PES1: variants seen among roughly 807,000 people sequenced by gnomAD.
PES1 encodes the protein pescadillo homolog.
Under a neutral mutation model 77.1 loss-of-function variants are expected in PES1, and 31 were observed. The observed-to-expected ratio is 0.40, with a 90% confidence interval of 0.30 to 0.54. PES1 has a LOEUF of 0.54. Among genes scored for constraint, PES1 ranks in the 20% least tolerant of loss-of-function variants. The pLI is 0.45. For synonymous variants in PES1, 282 were observed against 303.0 expected, an observed-to-expected ratio of 0.93 and a Z score of 0.72; for missense variants, 658 against 771.7, an observed-to-expected ratio of 0.85 and a Z score of 1.75.
rs1385201670 is a variant in PES1 at position 30,579,470 on chromosome 22, C to CCAT, written c.1355-170_1355-168dup. 2.7e-4 allele frequency: 306 copies of CCAT among 1,137,294 alleles called. No individual in the cohort carries two copies. The East Asian group carries it at 5.6e-3, about 21-fold the overall frequency. The allele number at this position is 1,137,294 out of a possible 1,614,324, so 70.5% of individuals were successfully genotyped here. ...CTTGCACCTCCCCACAGCCCAGCTG[C>CCAT]CATCAGAGGAAATTCCAAGACCCCC... On this transcript the variant is annotated intron_variant, in intron 12 of 14. Coordinates refer to ENST00000354694, the MANE Select transcript of PES1 (RefSeq NM_014303.4).
chr22:30,589,272 T>C lies in PES1; in HGVS notation c.25-2A>G. 1 of 1,612,490 alleles carries C rather than the reference T, an allele frequency of 6.2e-7. No individual in the cohort carries two copies. The highest frequency in any genetic ancestry group is 1.1e-5 in the South Asian group (1 of 90,786). On this transcript the variant is annotated splice_acceptor_variant, in intron 1 of 14. Transcript: ENST00000354694. LOFTEE classifies it high-confidence loss of function. ...GTTGGTGGCCGAGCCTCGTTCATACTGGGAGAGGAAAAAAACAATTCTCCA... is the reference window on the plus strand; with the variant it reads ...GTTGGTGGCCGAGCCTCGTTCATACCGGGAGAGGAAAAAAACAATTCTCCA...
At chr22:30,585,136 A>T in intron 4 of PES1, 2 of 407,476 alleles carry the variant, frequency 4.9e-6, no homozygotes, top group South Asian at 1.9e-5. Context: ...TGGAGCAGGG[A>T]GCGGGGTGGG....
At chr22:30,585,991 A>T (rs1341733427) in intron 4 of PES1, among the ~76,000 whole-genome samples, 1 of 151,908 alleles carries the variant, frequency 6.6e-6, no homozygotes, top group Non-Finnish European at 1.5e-5. Flanking sequence ...TAGTTTCCTC[A>T]CTCTCCACCT....
intron 2 of PES1, chr22:30,605,432 C>CT (rs2087424382): frequency 1.0e-6 from 1 of 984,906 alleles, no homozygotes; most frequent in South Asian, 4.7e-5. Context: ...TCAGAAGTGA[C>CT]TCTCTGGAAG....
chr22:30,598,077 G>T (rs1461930933), intron 2 of PES1, among the ~76,000 whole-genome samples: 1 of 151,912 alleles, frequency 6.6e-6, no homozygotes, highest in African/African-American at 2.4e-5. Context: ...TAGAGACGGG[G>T]TTTCACCGTT....
rs1281912008 is a variant in PES1 at position 30,584,349 on chromosome 22, C to T, written c.630+16G>A. On this transcript the variant is annotated intron_variant, in intron 6 of 14. Coordinates refer to ENST00000354694, the MANE Select transcript of PES1 (RefSeq NM_014303.4). ...GAGGCAGCACAAGCCCGTCCCCTCCCGACAGGCACACTCACGTCATGGGAG... is the reference window on the plus strand; with the variant it reads ...GAGGCAGCACAAGCCCGTCCCCTCCTGACAGGCACACTCACGTCATGGGAG... 4.4e-6 allele frequency: 7 copies of T among 1,587,758 alleles called. No individual in the cohort carries two copies. Among genetic ancestry groups the T allele is most frequent in the East Asian group, 2.3e-5 (1 of 44,024 alleles).
intron 2 of PES1, among the ~76,000 whole-genome samples, chr22:30,597,943 G>A (rs957319541): frequency 6.7e-6 from 1 of 148,500 alleles, no homozygotes; most frequent in Admixed American, 6.7e-5. Context: ...GAGTGCAGTG[G>A]CGGCATCTCG....
chr22:30,576,636 C>T lies in PES1; in HGVS notation c.*410G>A, dbSNP rs1281138112. Reference sequence around the variant, plus strand: ...TCATGGACACAAAATGCAATTGGCACAAAAGTCCAGTCATTTAATAACAAA... The same window carrying T: ...TCATGGACACAAAATGCAATTGGCATAAAAGTCCAGTCATTTAATAACAAA... On this transcript the variant is annotated 3_prime_UTR_variant, in exon 15 of 15. Coordinates refer to ENST00000354694, the MANE Select transcript of PES1 (RefSeq NM_014303.4). 1.5e-5 allele frequency: 3 copies of T among 201,580 alleles called. No individual in the cohort carries two copies. Among genetic ancestry groups the T allele is most frequent in the Admixed American group, 5.4e-5 (1 of 18,528 alleles). The allele number at this position is 201,580 out of a possible 1,614,324, so 12.5% of individuals were successfully genotyped here.
At position 30,587,415 on chromosome 22, in the gene PES1, C is replaced by A. The variant is rs777018663; in HGVS notation, c.259-20G>T. The A allele has an allele frequency of 9.6e-6, 15 of 1,566,418 alleles. No individual in the cohort carries two copies. Among genetic ancestry groups the A allele is most frequent in the Non-Finnish European group, 1.2e-5 (14 of 1,137,438 alleles). ...GAACACCTGGAAGAAAGAAAGAAAA[C>A]ACCTCAATGCTGAGGCTCAGGTCTC... On this transcript the variant is annotated intron_variant, in intron 3 of 14. Transcript: ENST00000354694.
chr22:30,591,876 G>T lies in PES1; in HGVS notation c.-43C>A. The T allele has an allele frequency of 6.5e-7, 1 of 1,536,830 alleles. No homozygotes were observed. ...CCGACTAGGGCCGCGCGTACAGGGA[G>T]CTCCACTTCCTCCCGCACGTGCCCT... On this transcript the variant is annotated 5_prime_UTR_variant, in exon 1 of 15. Transcript: ENST00000354694.
At position 30,606,893 on chromosome 22, in the gene PES1, C is replaced by T. The variant is rs556485947; in HGVS notation, c.-802G>A. The T allele has an allele frequency of 1.9e-4, 204 of 1,059,420 alleles. 2 individuals are homozygous for T. In the South Asian group the frequency reaches 3.8e-3, roughly 20 times the overall value. The allele number at this position is 1,059,420 out of a possible 1,614,324, so 65.6% of individuals were successfully genotyped here. The stretch of plus-strand genomic sequence containing the variant: ...CAGGGGCTCCTTTGGTAAGGAGTAC[C>T]GGGTAGGCACCCGGTCCTGCCAATC... On this transcript the variant is annotated 5_prime_UTR_variant, in exon 1 of 17. Transcript: ENST00000402281.
chr22:30,580,568 T>TAC lies in PES1; in HGVS notation c.1043+1_1043+2dup, dbSNP rs1217712936. ...CTGTCAGCGGGCCCTTGAGCCTCCC[T>TAC]ACCTGATGATGAAGGCCAGGGCCTC... On this transcript the variant is annotated splice_region_variant and intron_variant, in intron 10 of 14. Transcript: ENST00000354694. 1 of 1,613,702 alleles carries TAC rather than the reference T, an allele frequency of 6.2e-7. No homozygotes were observed. The highest frequency in any genetic ancestry group is 1.7e-5 in the Admixed American group (1 of 60,012).
intron 1 of PES1, among the ~76,000 whole-genome samples, chr22:30,590,636 A>C (rs536027181): frequency 6.6e-6 from 1 of 152,258 alleles, no homozygotes; most frequent in Non-Finnish European, 1.5e-5. Context: ...TAAGGGAATA[A>C]ATAGTTCTCA....
intron 10 of PES1, 129 bp from the exon 11 acceptor site, chr22:30,580,307 C>A (rs2086963202): frequency 3.3e-6 from 4 of 1,217,612 alleles, no homozygotes; most frequent in Non-Finnish European, 4.5e-6. Context: ...ACCCCCTCCT[C>A]ACCCCAGGAT....
At chr22:30,584,987 A>G (rs914216850) in intron 4 of PES1, among the ~76,000 whole-genome samples, 3 of 152,094 alleles carry the variant, frequency 2.0e-5, no homozygotes, top group African/African-American at 4.8e-5. Context: ...CCCAGCCTTG[A>G]CCCACGTGCG....
chr22:30,577,400 A>G (rs1476491999), intron 14 of PES1, among the ~76,000 whole-genome samples: 2 of 152,174 alleles, frequency 1.3e-5, no homozygotes, highest in African/African-American at 4.8e-5. Flanking sequence ...CCATTTCCCT[A>G]CACCACCTGG....
intron 2 of PES1, among the ~76,000 whole-genome samples, chr22:30,600,672 C>T (rs1449077555): frequency 1.3e-5 from 2 of 152,228 alleles, no homozygotes; most frequent in Non-Finnish European, 2.9e-5. Context: ...AAAAATTAGC[C>T]AGGAGTGGTG....
intron 2 of PES1, among the ~76,000 whole-genome samples, chr22:30,598,130 C>T (rs1482474631): frequency 6.6e-6 from 1 of 152,146 alleles, no homozygotes; most frequent in African/African-American, 2.4e-5. Context: ...TTTATTCTTT[C>T]ACTGTTTGCA....
intron 2 of PES1, among the ~76,000 whole-genome samples, chr22:30,602,084 TC>T (rs2087364337): frequency 6.6e-6 from 1 of 151,542 alleles, no homozygotes; most frequent in Admixed American, 6.6e-5. Flanking sequence ...TCTTTTCTTT[TC>T]TTTTTTTTCT....
Sources: gnomAD v4.1 joint callset for allele counts (sites outside exome capture counted in the v4.1 genomes callset) on GRCh38, gnomAD v4.1.1 for gene constraint, MANE v1.5 for transcripts, NCBI Gene and HGNC (gene_info 2026-07-23, HGNC 2026-07-21) for gene names.